ERBB4: variants seen among roughly 807,000 people sequenced by gnomAD.
ERBB4 encodes erb-b2 receptor tyrosine kinase 4.
ERBB4 carries 42 observed loss-of-function variants against 158.0 expected under a neutral mutation model. That is an observed-to-expected ratio of 0.27 (90% CI 0.21 to 0.34). The LOEUF (loss-of-function observed/expected upper bound fraction) is 0.34, where lower values mean the gene tolerates loss of function less well. Among genes scored for constraint, ERBB4 ranks in the 10% least tolerant of loss-of-function variants. The pLI, the probability that ERBB4 is intolerant of heterozygous loss-of-function variation, is 1.00. For synonymous variants in ERBB4, 583 were observed against 558.7 expected (o/e 1.04, Z -0.61); for missense variants, 1,333 against 1,624.1 (o/e 0.82, Z 3.08).
intron 21 of ERBB4, 58 bp from the exon 22 acceptor site, chr2:211,428,541 G>C: frequency 1.1e-6 from 1 of 936,822 alleles, no homozygotes. Flanking sequence ...ATTTCTATAT[G>C]TATTTCCTAA....
chr2:211,722,303 C>T lies in ERBB4; in HGVS notation c.883+90G>A, dbSNP rs895721793. The stretch of plus-strand genomic sequence containing the variant: ...ACCCAAAGTACTTATAATATTCTTA[C>T]AAGTTTCACATTAAAATAAACTTAC... On this transcript the variant is annotated intron_variant, in intron 7 of 27. Coordinates refer to ENST00000342788, the MANE Select transcript of ERBB4 (RefSeq NM_005235.3). 4.8e-5 allele frequency: 51 copies of T among 1,058,220 alleles called. No individual in the cohort carries two copies. The African/African-American group carries it at 5.2e-4, about 11-fold the overall frequency. 65.6% of individuals were successfully genotyped at this position (1,058,220 alleles called of 1,614,324 possible).
chr2:211,423,431 CAA>C, intron 23 of ERBB4, among the ~76,000 whole-genome samples: 1 of 152,020 alleles, frequency 6.6e-6, no homozygotes, highest in South Asian at 2.1e-4. Flanking sequence ...TTAGATTATA[CAA>C]GAGAGATTGC....
intron 2 of ERBB4, among the ~76,000 whole-genome samples, chr2:212,103,791 T>C (rs1031294477): frequency 6.6e-6 from 1 of 152,038 alleles, no homozygotes; most frequent in African/African-American, 2.4e-5. Context: ...AAAATAATAA[T>C]TAAACATGAT....
At chr2:212,345,483 T>C (rs2088952804) in intron 1 of ERBB4, among the ~76,000 whole-genome samples, 1 of 152,072 alleles carries the variant, frequency 6.6e-6, no homozygotes, top group African/African-American at 2.4e-5. Flanking sequence ...CATAGCTCTC[T>C]GATACGGTGG....
intron 1 of ERBB4, among the ~76,000 whole-genome samples, chr2:212,130,375 G>T (rs58660174): frequency 0.021 from 3,267 of 152,000 alleles, 123 homozygotes; most frequent in African/African-American, 0.075. Context: ...CCAAACACAG[G>T]CTTTTTATTT....
chr2:212,250,840 G>A (rs1229880185), intron 1 of ERBB4, among the ~76,000 whole-genome samples: 1 of 151,634 alleles, frequency 6.6e-6, no homozygotes, highest in East Asian at 1.9e-4. Flanking sequence ...AGTAAAAGAG[G>A]AAAAGCCCTG....
At chr2:212,496,342 G>T (rs2106220704) in intron 1 of ERBB4, among the ~76,000 whole-genome samples, 1 of 151,390 alleles carries the variant, frequency 6.6e-6, no homozygotes, top group Admixed American at 6.6e-5. Context: ...ATGTGCACGT[G>T]CATGCATACA....
At chr2:211,764,732 C>G (rs1037443457) in intron 4 of ERBB4, among the ~76,000 whole-genome samples, 3 of 151,974 alleles carry the variant, frequency 2.0e-5, no homozygotes, top group African/African-American at 7.2e-5. Context: ...ATAGAATAGC[C>G]ATTTGGGACA....
chr2:212,425,998 C>T (rs529622952), intron 1 of ERBB4, among the ~76,000 whole-genome samples: 1 of 152,050 alleles, frequency 6.6e-6, no homozygotes, highest in East Asian at 1.9e-4. Context: ...TCAATGTTCA[C>T]GTATTCAATC....
intron 16 of ERBB4, among the ~76,000 whole-genome samples, chr2:211,631,317 C>G (rs1275536497): frequency 1.3e-5 from 2 of 152,018 alleles, no homozygotes; most frequent in Non-Finnish European, 1.5e-5. Context: ...GCCCAAAGTG[C>G]TATTTGAAAC....
intron 3 of ERBB4, among the ~76,000 whole-genome samples, chr2:211,824,324 T>C (rs1375114131): frequency 1.3e-5 from 2 of 152,008 alleles, no homozygotes; most frequent in African/African-American, 4.8e-5. Flanking sequence ...ATTTAGCAAA[T>C]GGTACCTGTG....
chr2:212,282,921 T>C (rs900589563), intron 1 of ERBB4, among the ~76,000 whole-genome samples: 8 of 151,982 alleles, frequency 5.3e-5, no homozygotes, highest in Non-Finnish European at 7.4e-5. Context: ...GAAAGATAGA[T>C]GTCTTTGTCA....
chr2:211,377,860 A>G lies in ERBB4; in HGVS notation c.*5755T>C, dbSNP rs1268039669. 1 of 232,944 alleles carries G rather than the reference A, an allele frequency of 4.3e-6. No homozygotes were observed. 14.4% of individuals were successfully genotyped at this position (232,944 alleles called of 1,614,324 possible). Reference sequence around the variant, plus strand: ...CTCAAATTCCTATAGGGAAGGACACAGAGAATTGATCTTCATGGGAAACCA... The same window carrying G: ...CTCAAATTCCTATAGGGAAGGACACGGAGAATTGATCTTCATGGGAAACCA... On this transcript the variant is annotated 3_prime_UTR_variant, in exon 28 of 28. Transcript: ENST00000342788.
intron 17 of ERBB4, among the ~76,000 whole-genome samples, chr2:211,628,505 T>A (rs1480341420): frequency 6.6e-6 from 1 of 152,216 alleles, no homozygotes; most frequent in Non-Finnish European, 1.5e-5. Context: ...GAACTCATCA[T>A]TTTTTATGGC....
chr2:212,307,490 T>C (rs538788301), intron 1 of ERBB4, among the ~76,000 whole-genome samples: 1 of 151,274 alleles, frequency 6.6e-6, no homozygotes, highest in East Asian at 2.0e-4. Context: ...TAGCTACCAC[T>C]TTGCCCTTTT....
chr2:212,105,412 T>C (rs914082728), intron 2 of ERBB4, among the ~76,000 whole-genome samples: 67 of 152,228 alleles, frequency 4.4e-4, no homozygotes, highest in Admixed American at 6.5e-4. Flanking sequence ...TGTGTTTCTA[T>C]ATCTTAAACT....
chr2:212,285,728 G>A (rs139999370), intron 1 of ERBB4, among the ~76,000 whole-genome samples: 3 of 152,208 alleles, frequency 2.0e-5, no homozygotes, highest in East Asian at 1.9e-4. Context: ...TAAAAAAATT[G>A]AGCATCAAAA....
intron 25 of ERBB4, among the ~76,000 whole-genome samples, chr2:211,391,537 G>C (rs907644862): frequency 3.3e-5 from 5 of 152,086 alleles, no homozygotes; most frequent in Non-Finnish European, 2.9e-5. Context: ...GTTCCTGGTG[G>C]GGGGGTTTGT....
intron 12 of ERBB4, among the ~76,000 whole-genome samples, chr2:211,688,901 A>T (rs1360857257): frequency 6.6e-6 from 1 of 152,044 alleles, no homozygotes; most frequent in Admixed American, 6.6e-5. Context: ...ATATATTATA[A>T]ATTATTTTAG....
Sources: gnomAD v4.1 joint callset for allele counts (sites outside exome capture counted in the v4.1 genomes callset) on GRCh38, gnomAD v4.1.1 for gene constraint, MANE v1.5 for transcripts, NCBI Gene and HGNC (gene_info 2026-07-23, HGNC 2026-07-21) for gene names.